Variants in INTS2 observed in about 807,000 individuals in gnomAD.
INTS2 encodes KIAA1287.
Under a neutral mutation model 139.6 loss-of-function variants are expected in INTS2, and 57 were observed. The observed-to-expected ratio is 0.41, with a 90% confidence interval of 0.33 to 0.51. The LOEUF is 0.51. Among genes scored for constraint, INTS2 ranks in the 20% least tolerant of loss-of-function variants. INTS2 has a pLI of 0.28. For missense variants in INTS2, 1,196 were observed against 1,436.7 expected (o/e 0.83, Z 2.71); for synonymous variants, 473 against 493.4 (o/e 0.96, Z 0.55).
intron 12 of INTS2, among the ~76,000 whole-genome samples, chr17:61,894,392 C>G (rs2079326236): frequency 6.6e-6 from 1 of 152,108 alleles, no homozygotes; most frequent in Non-Finnish European, 1.5e-5. Context: ...TTTAAAGACC[C>G]TCTTCAAAGT....
At position 61,907,653 on chromosome 17, in the gene INTS2, A is replaced by G. The variant is rs886239519; in HGVS notation, c.955-19T>C. On this transcript the variant is annotated intron_variant, in intron 7 of 24. Coordinates refer to ENST00000251334, the MANE Select transcript of INTS2 (RefSeq NM_001351695.2). ...TTTTTCTCTGAAAGAAATATGGATCACAAAAGGAAGAAAGCATGAAGCATT... is the reference window on the plus strand; with the variant it reads ...TTTTTCTCTGAAAGAAATATGGATCGCAAAAGGAAGAAAGCATGAAGCATT... 1.9e-6 allele frequency: 3 copies of G among 1,548,084 alleles called. No homozygotes were observed. The highest frequency in any genetic ancestry group is 2.0e-4 in the Middle Eastern group (1 of 5,084).
Position 61,881,155 on chromosome 17 carries a change from T to C in INTS2, c.2106A>G (p.Leu702=). The change falls in exon 17 of 25, where the codon TTA becomes TTG. Residue 702 remains leucine (L), a synonymous_variant. Coordinates refer to ENST00000251334, the MANE Select transcript of INTS2 (RefSeq NM_001351695.2). ...QQELGGLHSA[L]LRLLATNYPH... ...GGTAGTTAGTAGCAAGGAGACGTAG[T>C]AAAGCTGAATGCAACCCTTGAAAAT... 6.2e-7 allele frequency: 1 copy of C among 1,612,514 alleles called. No homozygotes were observed. The highest frequency in any genetic ancestry group is 1.1e-5 in the South Asian group (1 of 90,756).
At position 61,879,729 on chromosome 17, in the gene INTS2, G is replaced by GTC. The variant is rs540193088; in HGVS notation, c.2254+1276_2254+1277dup. Among the ~76,000 whole-genome samples the GTC allele has an allele frequency of 1.7e-3, 261 of 152,168 alleles. No individual in the cohort carries two copies. In the Middle Eastern group the frequency reaches 0.031, roughly 18 times the overall value. ...CTGGGTGTGGTGGCATGTACCTGTA[G>GTC]TCTCAGGTACTGGGGAAGCTGAGGC... On this transcript the variant is annotated intron_variant, in intron 17 of 24. Coordinates refer to ENST00000251334, the MANE Select transcript of INTS2 (RefSeq NM_001351695.2).
intron 9 of INTS2, among the ~76,000 whole-genome samples, chr17:61,903,644 AAC>A (rs2079431393): frequency 6.6e-6 from 1 of 152,114 alleles, no homozygotes; most frequent in Non-Finnish European, 1.5e-5. Context: ...AAAAAACAAA[AAC>A]ACAGGATAAA....
Position 61,867,530 on chromosome 17 carries a change from C to A in INTS2, c.*27G>T. ...ATTCATGTTGGGTATATGCAGCAAA[C>A]AACTTTTTGTTGTTTTAAATTTTGT... is the stretch of plus-strand genomic sequence containing the variant. On this transcript the variant is annotated 3_prime_UTR_variant, in exon 25 of 25. Coordinates refer to ENST00000251334, the MANE Select transcript of INTS2 (RefSeq NM_001351695.2). This position sits in a 1 kb window ranked among gnomAD's most constrained non-coding sequence, Gnocchi z 5.6. The A allele has an allele frequency of 6.6e-7, 1 of 1,515,266 alleles. No individual in the cohort carries two copies. 93.9% of individuals were successfully genotyped at this position (1,515,266 alleles called of 1,614,324 possible).
intron 8 of INTS2, among the ~76,000 whole-genome samples, chr17:61,907,157 T>C (rs774597114): frequency 6.6e-6 from 1 of 152,104 alleles, no homozygotes; most frequent in African/African-American, 2.4e-5. Context: ...AAACTGTGAT[T>C]GGAAATTGAT....
chr17:61,909,814 CATGTGTGT>C lies in INTS2; in HGVS notation c.954+1698_954+1705del, dbSNP rs780044924. Among the ~76,000 whole-genome samples, 429 of 85,234 alleles carry C rather than the reference CATGTGTGT, an allele frequency of 5.0e-3. No individual in the cohort carries two copies. The highest frequency in any genetic ancestry group is 9.6e-3 in the African/African-American group (225 of 23,464). 55.9% of individuals were successfully genotyped at this position (85,234 alleles called of 152,430 possible). On this transcript the variant is annotated intron_variant, in intron 7 of 24. Coordinates refer to ENST00000251334, the MANE Select transcript of INTS2 (RefSeq NM_001351695.2). The surrounding 1 kb of genome is among the most constrained non-coding windows in gnomAD (Gnocchi z 4.9). ...GTATACATATATACGTGTGTGTGTA[CATGTGTGT>C]ATGTGTGTGTGTGTGTGTGTGTGTG...
Position 61,927,735 on chromosome 17 carries a change from C to A in INTS2, c.-100G>T, listed in dbSNP as rs772813501. The A allele has an allele frequency of 1.1e-5, 16 of 1,468,570 alleles. No homozygotes were observed. The highest frequency in any genetic ancestry group is 1.3e-5 in the Non-Finnish European group (14 of 1,112,870). The allele number at this position is 1,468,570 out of a possible 1,614,324, so 91.0% of individuals were successfully genotyped here. A position where few individuals can be genotyped will look rare whatever the true frequency, so the allele number is the denominator to read the frequency against. On this transcript the variant is annotated 5_prime_UTR_variant, in exon 1 of 25. Transcript: ENST00000251334. ...CGGGACGCGGCAGAAATCGAGAGCG[C>A]GGTCCGATGTTGGGCCTAGGCGATA... is the stretch of plus-strand genomic sequence containing the variant.
chr17:61,890,579 C>T (rs2014444), intron 14 of INTS2, among the ~76,000 whole-genome samples: 37,606 of 148,064 alleles, frequency 0.25, 5,467 homozygotes, highest in South Asian at 0.51. Flanking sequence ...CACTGCACTC[C>T]GGTCGGGGCA....
Position 61,869,262 on chromosome 17 carries a change from A to G in INTS2, c.3138+11T>C. On this transcript the variant is annotated intron_variant, in intron 22 of 24. Transcript: ENST00000251334. The surrounding 1 kb of genome is among the most constrained non-coding windows in gnomAD (Gnocchi z 5.4). ...AGATCAATTGTCCTAAAGCTCCAAAATGCTCATTACCTGTTTCTCAAGTTC... is the reference window on the plus strand; with the variant it reads ...AGATCAATTGTCCTAAAGCTCCAAAGTGCTCATTACCTGTTTCTCAAGTTC... 1 of 1,576,418 alleles carries G rather than the reference A, an allele frequency of 6.3e-7. No homozygotes were observed. The highest frequency in any genetic ancestry group is 8.7e-7 in the Non-Finnish European group (1 of 1,151,052).
rs886341697 is a variant in INTS2 at position 61,868,954 on chromosome 17, T to C, written c.3244+80A>G. 9 of 817,818 alleles carry C rather than the reference T, an allele frequency of 1.1e-5. No individual in the cohort carries two copies. The highest frequency in any genetic ancestry group is 1.0e-4 in the African/African-American group (6 of 58,532). 50.7% of individuals were successfully genotyped at this position (817,818 alleles called of 1,614,324 possible). ...CTGTCTCAGAGTGACAGAAAAAACA[T>C]ATTGCATCACTAAATGCAGAAAATA... is the stretch of plus-strand genomic sequence containing the variant. On this transcript the variant is annotated intron_variant, in intron 23 of 24. Coordinates refer to ENST00000251334, the MANE Select transcript of INTS2 (RefSeq NM_001351695.2). This position sits in a 1 kb window ranked among gnomAD's most constrained non-coding sequence, Gnocchi z 4.7.
At position 61,870,349 on chromosome 17, in the gene INTS2, C is replaced by A. The variant is rs1014909475; in HGVS notation, c.2779-361G>T. Among the ~76,000 whole-genome samples, 1 of 152,136 alleles carries A rather than the reference C, an allele frequency of 6.6e-6. No individual in the cohort carries two copies. The highest frequency in any genetic ancestry group is 1.5e-5 in the Non-Finnish European group (1 of 68,002). On this transcript the variant is annotated intron_variant, in intron 20 of 24. Coordinates refer to ENST00000251334, the MANE Select transcript of INTS2 (RefSeq NM_001351695.2). The surrounding 1 kb of genome is among the most constrained non-coding windows in gnomAD (Gnocchi z 4.4). ...TGAATTCAGTTACATCCAAAACAGG[C>A]CCTAGGCAAAAATGACTTCTACCAG... is the stretch of plus-strand genomic sequence containing the variant.
At position 61,927,697 on chromosome 17, in the gene INTS2, C is replaced by T. The variant is rs2079732291; in HGVS notation, c.-62G>A. ...GCCTCACGGAACCGCACACGGACTC[C>T]GCGTCCTAGAGGCGGGACGCGGCAG... On this transcript the variant is annotated 5_prime_UTR_variant, in exon 1 of 25. Transcript: ENST00000251334. 1.4e-6 allele frequency: 2 copies of T among 1,442,712 alleles called. No homozygotes were observed. The highest frequency in any genetic ancestry group is 9.1e-7 in the Non-Finnish European group (1 of 1,102,102). The allele number at this position is 1,442,712 out of a possible 1,614,324, so 89.4% of individuals were successfully genotyped here.
At chr17:61,906,660 C>T (rs545079078) in intron 8 of INTS2, among the ~76,000 whole-genome samples, 2 of 151,988 alleles carry the variant, frequency 1.3e-5, no homozygotes, top group South Asian at 4.1e-4. Flanking sequence ...ATTAAGAACA[C>T]TATTCAAAAG....
intron 16 of INTS2, among the ~76,000 whole-genome samples, chr17:61,883,390 C>A (rs637941): frequency 0.99 from 150,756 of 151,776 alleles, 74,878 homozygotes; most frequent in Non-Finnish European, 1. Context: ...TAAGTAAATA[C>A]ATGCTGCAGA....
At chr17:61,878,873 T>C (rs1040254592) in intron 17 of INTS2, among the ~76,000 whole-genome samples, 10 of 130,486 alleles carry the variant, frequency 7.7e-5, no homozygotes, top group African/African-American at 2.8e-4. Flanking sequence ...GAGTTTGCAG[T>C]GAGCTGTGTT....
Position 61,867,651 on chromosome 17 carries a change from C to T in INTS2, c.3497G>A (p.Arg1166Lys), listed in dbSNP as rs1430790538. The T allele has an allele frequency of 6.2e-7, 1 of 1,611,162 alleles. No individual in the cohort carries two copies. Among genetic ancestry groups the T allele is most frequent in the African/African-American group, 1.3e-5 (1 of 74,852 alleles). ...CKDSSYKNGS[R>K]DTGSMDPDVQ... ...ATCAGGATCCATGCTTCCAGTGTCC[C>T]TGGATCCATTTTTATAAGATGAATC... Residue 1166 changes from arginine to lysine, a missense_variant, in exon 25 of 25, where the codon AGG becomes AAG. Coordinates refer to ENST00000251334, the MANE Select transcript of INTS2 (RefSeq NM_001351695.2). This position sits in a 1 kb window ranked among gnomAD's most constrained non-coding sequence, Gnocchi z 5.6.
chr17:61,878,424 C>A (rs889026570), intron 17 of INTS2, among the ~76,000 whole-genome samples: 1 of 151,794 alleles, frequency 6.6e-6, no homozygotes, highest in South Asian at 2.1e-4. Context: ...ATGAGCCAGG[C>A]GTGGTGGCAG....
rs1269166848 is a variant in INTS2 at position 61,907,453 on chromosome 17, G to A, written c.1136C>T (p.Ala379Val). 3 of 1,600,802 alleles carry A rather than the reference G, an allele frequency of 1.9e-6. No homozygotes were observed. The highest frequency in any genetic ancestry group is 1.7e-6 in the Non-Finnish European group (2 of 1,173,876). The change falls in exon 8 of 25, where the codon GCA becomes GTA. Residue 379 changes from alanine to valine, a missense_variant. Ala to Val is a moderately conservative substitution (Grantham distance 64, BLOSUM62 0). Transcript: ENST00000251334. ...CAAAGCACAGTACAGACGTAAGAGT[G>A]CACTGGCTTTCACAACATGCTCTTC... ...LKEEHVVKAS[A>V]LLRLYCALMG...
Sources: gnomAD v4.1 joint callset for allele counts (sites outside exome capture counted in the v4.1 genomes callset) on GRCh38, gnomAD v4.1.1 for gene constraint, Gnocchi (gnomAD v3.1) non-coding constraint, MANE v1.5 for transcripts, NCBI Gene and HGNC (gene_info 2026-07-23, HGNC 2026-07-21) for gene names.